The following MSR1 variants were observed in gnomAD, a reference collection of about 807,000 sequenced individuals.
MSR1 encodes the protein macrophage scavenger receptor 1.
Under a neutral mutation model 47.2 loss-of-function variants are expected in MSR1, and 53 were observed. The observed-to-expected ratio is 1.12, with a 90% CI of 0.90 to 1.41. The LOEUF is 1.41. Ranked by LOEUF, MSR1 falls within the 40% of genes most tolerant of loss-of-function variation. MSR1 has a pLI of 0.00. For synonymous variants in MSR1, 239 were observed against 185.6 expected, an observed-to-expected ratio of 1.29 and a Z score of -2.34; for missense variants, 786 against 546.9, an observed-to-expected ratio of 1.44 and a Z score of -4.36.
chr8:16,164,543 A>C (rs1801251163), intron 4 of MSR1, among the ~76,000 whole-genome samples: 1 of 151,984 alleles, frequency 6.6e-6, no homozygotes, highest in African/African-American at 2.4e-5. Context: ...AAATTCTAAC[A>C]ATAAAATTAA....
chr8:16,150,136 G>GTATATATATATATATATATATA (rs1337193490), intron 7 of MSR1, 95 bp downstream of exon 7: 1 of 190,202 alleles, frequency 5.3e-6, no homozygotes, highest in African/African-American at 4.7e-5. Flanking sequence ...GTATGTGTGT[G>GTATATATATATATATATATATA]TGTGTATATA....
At position 16,140,131 on chromosome 8, in the gene MSR1, G is replaced by C. The variant is rs986548049; in HGVS notation, c.1033+3427C>G. ...TTCTTCTATGACATCCCTATCTCTGGTTGAGAATAATGTTTGAATATAAAG... is the reference window on the plus strand; with the variant it reads ...TTCTTCTATGACATCCCTATCTCTGCTTGAGAATAATGTTTGAATATAAAG... On this transcript the variant is annotated intron_variant, in intron 8 of 9. Coordinates refer to ENST00000262101, the MANE Select transcript of MSR1 (RefSeq NM_138715.3). 5 of 984,330 alleles carry C rather than the reference G, an allele frequency of 5.1e-6. No individual in the cohort carries two copies. In the African/African-American group the frequency reaches 7.0e-5, roughly 14 times the overall value. 61.0% of individuals were successfully genotyped at this position (984,330 alleles called of 1,614,324 possible).
rs528592589 is a variant in MSR1, at chr8:16,166,382, C to T, written c.630+2076G>A. ...TTCACTATGTTGGCCAGACTGGTCT[C>T]GAACTCCTGACCTCGTGGTCCACCC... On this transcript the variant is annotated intron_variant, in intron 4 of 9. Coordinates refer to ENST00000262101, the MANE Select transcript of MSR1 (RefSeq NM_138715.3). Among the ~76,000 whole-genome samples, 165 of 151,064 alleles carry T rather than the reference C, an allele frequency of 1.1e-3. 1 individual carries two copies. Among genetic ancestry groups the T allele is most frequent in the Non-Finnish European group, 2.0e-3 (134 of 67,804 alleles).
intron 1 of MSR1, among the ~76,000 whole-genome samples, chr8:16,186,554 C>T (rs560331117): frequency 1.7e-4 from 26 of 152,208 alleles, no homozygotes; most frequent in South Asian, 1.5e-3. Flanking sequence ...TGTTTTCAAA[C>T]GCTATGTAGA....
At chr8:16,124,875 G>A (rs1450897734) in intron 8 of MSR1, among the ~76,000 whole-genome samples, 1 of 151,604 alleles carries the variant, frequency 6.6e-6, no homozygotes, top group Non-Finnish European at 1.5e-5. Flanking sequence ...ATTACCCAGT[G>A]AGATTAAATT....
At chr8:16,176,641 G>A (rs1262845043) in intron 2 of MSR1, among the ~76,000 whole-genome samples, 2 of 152,086 alleles carry the variant, frequency 1.3e-5, no homozygotes, top group Admixed American at 1.3e-4. Context: ...CTGAAAAGTA[G>A]GAGTCATCTT....
intron 3 of MSR1, among the ~76,000 whole-genome samples, chr8:16,173,065 C>T (rs932868812): frequency 6.6e-6 from 1 of 152,100 alleles, no homozygotes; most frequent in Non-Finnish European, 1.5e-5. Context: ...GAGGCCTTTT[C>T]CAAATTCTGG....
At chr8:16,113,768 A>G (rs910397056) in intron 9 of MSR1, among the ~76,000 whole-genome samples, 2 of 152,152 alleles carry the variant, frequency 1.3e-5, no homozygotes, top group African/African-American at 4.8e-5. Context: ...GATTCTGAAG[A>G]AGCAAGCTCT....
At chr8:16,114,923 A>G (rs1456743459) in intron 9 of MSR1, among the ~76,000 whole-genome samples, 3 of 152,168 alleles carry the variant, frequency 2.0e-5, no homozygotes, top group African/African-American at 7.2e-5. Flanking sequence ...CATGCCTGTA[A>G]TCCCAGCACT....
At chr8:16,151,227 G>T (rs543066518) in intron 6 of MSR1, among the ~76,000 whole-genome samples, 2 of 152,062 alleles carry the variant, frequency 1.3e-5, no homozygotes, top group Non-Finnish European at 2.9e-5. Context: ...AAGAGCATCA[G>T]AGAAGCCCCT....
At position 16,169,001 on chromosome 8, in the gene MSR1, G is replaced by C. The variant is rs985875129; in HGVS notation, c.218-131C>G. On this transcript the variant is annotated intron_variant, in intron 3 of 9. Transcript: ENST00000262101. ...AACATTTTGAATGCTAGGCTAAATC[G>C]AGTATTTTTTTTTAATCTACAACGT... 7.6e-6 allele frequency: 7 copies of C among 922,892 alleles called. No individual in the cohort carries two copies. The African/African-American group carries it at 1.2e-4, about 15-fold the overall frequency. The allele number at this position is 922,892 out of a possible 1,614,324, so 57.2% of individuals were successfully genotyped here.
At chr8:16,161,029 T>C (rs1005380580) in intron 5 of MSR1, among the ~76,000 whole-genome samples, 6 of 140,720 alleles carry the variant, frequency 4.3e-5, no homozygotes, top group African/African-American at 1.4e-4. Context: ...TTTTCTTAAA[T>C]AGCATTTTTT....
At chr8:16,112,681 A>G (rs186373970) in intron 9 of MSR1, among the ~76,000 whole-genome samples, 90 of 152,170 alleles carry the variant, frequency 5.9e-4, no homozygotes, top group Middle Eastern at 6.8e-3. Context: ...TTCTTTAGAT[A>G]ATAACTGTTA....
chr8:16,160,365 T>C (rs1441055062), intron 5 of MSR1, among the ~76,000 whole-genome samples: 5 of 152,066 alleles, frequency 3.3e-5, no homozygotes, highest in Non-Finnish European at 5.9e-5. Context: ...ACTGCTATTA[T>C]AGAGTGTAAC....
chr8:16,150,140 G>GTGTATATATATATATATATA (rs1402495981), intron 7 of MSR1, 91 bp downstream of exon 7: 3 of 172,618 alleles, frequency 1.7e-5, no homozygotes, highest in African/African-American at 9.3e-5. Context: ...GTGTGTGTGT[G>GTGTATATATATATATATATA]TATATATATA....
chr8:16,122,843 C>CTTTTTGTTT (rs1800035188), intron 8 of MSR1, among the ~76,000 whole-genome samples: 1 of 65,598 alleles, frequency 1.5e-5, no homozygotes, highest in African/African-American at 5.0e-5. Flanking sequence ...TATTCAAATT[C>CTTTTTGTTT]TTTTTTTTTT....
intron 1 of MSR1, among the ~76,000 whole-genome samples, chr8:16,188,828 A>C (rs922336380): frequency 3.3e-5 from 5 of 151,940 alleles, no homozygotes; most frequent in Non-Finnish European, 7.4e-5. Flanking sequence ...ATGTCCCTGC[A>C]AAGGACATCA....
rs376017070 is a variant in MSR1, at chr8:16,110,107, G to C, written c.1334C>G (p.Ala445Gly). ...GCATTATAAAGTGCAAGTGACTCCA[G>C]CATCTTCAGAATGTGAACAGGCTCT... Reference protein sequence around the residue: ...GTRACSHSEDAGVTCTL With the variant: ...GTRACSHSEDGGVTCTL The change falls in exon 10 of 10, where the codon GCT becomes GGT. Residue 445 changes from alanine to glycine, a missense_variant. Transcript: ENST00000262101. 96 of 1,613,504 alleles carry C rather than the reference G, an allele frequency of 5.9e-5. No homozygotes were observed. Among genetic ancestry groups the C allele is most frequent in the Non-Finnish European group, 7.7e-5 (91 of 1,179,688 alleles).
At chr8:16,123,464 G>T (rs75055719) in intron 8 of MSR1, among the ~76,000 whole-genome samples, 5,375 of 151,980 alleles carry the variant, frequency 0.035, 187 homozygotes, top group East Asian at 0.11. Flanking sequence ...CTGTCACAAA[G>T]ATGTAAAGAA....
Sources: allele counts gnomAD v4.1 joint callset (sites outside exome capture counted in the v4.1 genomes callset), GRCh38; gene constraint gnomAD v4.1.1; transcripts MANE v1.5; gene names NCBI Gene and HGNC (gene_info 2026-07-23, HGNC 2026-07-21).